Variants in HS3ST4 observed in about 807,000 individuals in gnomAD.
HS3ST4 encodes the protein heparan sulfate-glucosamine 3-sulfotransferase 4, also known as heparan sulfate glucosamine 3-O-sulfotransferase 4.
HS3ST4 carries 17 observed loss-of-function variants against 29.2 expected under a neutral mutation model. The ratio of observed to expected loss-of-function variants is 0.58; its 90% confidence interval spans 0.40 to 0.87. The LOEUF is 0.87. Among genes scored for constraint, HS3ST4 ranks in the 40% least tolerant of loss-of-function variants. The pLI, the probability that HS3ST4 is intolerant of heterozygous loss-of-function variation, is 0.00. For missense variants in HS3ST4, 627 were observed against 634.5 expected (o/e 0.99, Z 0.13); for synonymous variants, 314 against 285.7 (o/e 1.10, Z -1.00).
intron 1 of HS3ST4, among the ~76,000 whole-genome samples, chr16:26,078,437 C>G (rs112781489): frequency 1.3e-5 from 2 of 152,242 alleles, no homozygotes; most frequent in East Asian, 1.9e-4. Flanking sequence ...CGTGAGCCAC[C>G]GCACCCAGCC....
intron 1 of HS3ST4, among the ~76,000 whole-genome samples, chr16:25,846,595 A>T (rs914955005): frequency 6.6e-6 from 1 of 151,754 alleles, no homozygotes; most frequent in Non-Finnish European, 1.5e-5. Context: ...TTAAGTTTGT[A>T]GTATCTTTCA....
intron 1 of HS3ST4, among the ~76,000 whole-genome samples, chr16:26,056,200 C>G (rs778599966): frequency 2.0e-5 from 3 of 152,168 alleles, no homozygotes; most frequent in Non-Finnish European, 4.4e-5. Context: ...CTGTTTCTCA[C>G]GAATCCTTGT....
intron 1 of HS3ST4, among the ~76,000 whole-genome samples, chr16:26,054,619 A>T (rs891155132): frequency 3.9e-5 from 6 of 152,172 alleles, no homozygotes; most frequent in Non-Finnish European, 7.3e-5. Flanking sequence ...AAATGGAAAG[A>T]TAAGAACTGG....
chr16:25,949,771 G>A (rs1968664999), intron 1 of HS3ST4, among the ~76,000 whole-genome samples: 1 of 152,118 alleles, frequency 6.6e-6, no homozygotes, highest in Admixed American at 6.5e-5. Context: ...ATCAAGGATG[G>A]GGAATAAGGA....
At chr16:25,910,629 G>A (rs996615747) in intron 1 of HS3ST4, among the ~76,000 whole-genome samples, 3 of 151,418 alleles carry the variant, frequency 2.0e-5, no homozygotes, top group South Asian at 2.1e-4. Context: ...CTTGGGCAAC[G>A]AGAGAGAGAC....
chr16:26,105,405 C>T lies in HS3ST4; in HGVS notation c.735-30207C>T, dbSNP rs544677451. Among the ~76,000 whole-genome samples the T allele has an allele frequency of 7.2e-5, 11 of 152,272 alleles. No individual in the cohort carries two copies. The East Asian group carries it at 1.2e-3, about 16-fold the overall frequency. On this transcript the variant is annotated intron_variant, in intron 1 of 1. Coordinates refer to ENST00000331351, the MANE Select transcript of HS3ST4 (RefSeq NM_006040.3). ...CTAAAATTGAATACTATGCTCATTT[C>T]CTGGGTGATTGGTTTATTCATACTC... is the stretch of plus-strand genomic sequence containing the variant.
chr16:25,828,250 T>TCTC (rs1567249336), intron 1 of HS3ST4, among the ~76,000 whole-genome samples: 1 of 55,362 alleles, frequency 1.8e-5, no homozygotes, highest in African/African-American at 7.3e-5. Flanking sequence ...TTCTCTTTCT[T>TCTC]TCTTTCTTTC....
chr16:26,046,426 C>A (rs1898268375), intron 1 of HS3ST4, among the ~76,000 whole-genome samples: 1 of 152,168 alleles, frequency 6.6e-6, no homozygotes, highest in African/African-American at 2.4e-5. Context: ...GCTGGGATTA[C>A]AGGCATGAGC....
At chr16:25,806,774 C>G (rs528023082) in intron 1 of HS3ST4, among the ~76,000 whole-genome samples, 1 of 152,072 alleles carries the variant, frequency 6.6e-6, no homozygotes, top group South Asian at 2.1e-4. Context: ...TAAAATCCAC[C>G]AATTTTATTG....
At chr16:26,051,441 T>A (rs967264295) in intron 1 of HS3ST4, among the ~76,000 whole-genome samples, 7 of 152,134 alleles carry the variant, frequency 4.6e-5, no homozygotes, top group African/African-American at 1.7e-4. Context: ...AATAATTTTT[T>A]TTTTTCACAA....
intron 1 of HS3ST4, among the ~76,000 whole-genome samples, chr16:25,981,048 G>A (rs1051481778): frequency 2.0e-5 from 3 of 152,088 alleles, no homozygotes; most frequent in African/African-American, 7.2e-5. Context: ...CTTGGCATGT[G>A]AGGGTTCCAT....
intron 1 of HS3ST4, among the ~76,000 whole-genome samples, chr16:25,988,369 C>A (rs571509072): frequency 6.6e-6 from 1 of 152,202 alleles, no homozygotes; most frequent in Admixed American, 6.5e-5. Flanking sequence ...TGCCCTCCCC[C>A]AAGCTGAGGC....
At chr16:25,941,386 C>T (rs1230766926) in intron 1 of HS3ST4, among the ~76,000 whole-genome samples, 1 of 151,352 alleles carries the variant, frequency 6.6e-6, no homozygotes, top group Admixed American at 6.6e-5. Flanking sequence ...CTTGAACTCC[C>T]ACCTCAGGTG....
At chr16:26,113,305 G>A (rs1033836380) in intron 1 of HS3ST4, among the ~76,000 whole-genome samples, 3 of 152,002 alleles carry the variant, frequency 2.0e-5, no homozygotes, top group South Asian at 2.1e-4. Context: ...ATTTAGCTGG[G>A]TGTAGCGGCG....
chr16:25,942,380 CAT>C (rs1224889465), intron 1 of HS3ST4, among the ~76,000 whole-genome samples: 1 of 152,154 alleles, frequency 6.6e-6, no homozygotes, highest in Non-Finnish European at 1.5e-5. Flanking sequence ...GTTATAATCA[CAT>C]ATCTTATTAT....
At chr16:26,125,676 C>T (rs1288139982) in intron 1 of HS3ST4, among the ~76,000 whole-genome samples, 1 of 152,202 alleles carries the variant, frequency 6.6e-6, no homozygotes, top group African/African-American at 2.4e-5. Context: ...CTTCTATGTC[C>T]TTAGTCCACC....
chr16:25,741,405 G>A (rs1394803831), intron 1 of HS3ST4, among the ~76,000 whole-genome samples: 1 of 150,316 alleles, frequency 6.7e-6, no homozygotes, highest in African/African-American at 2.4e-5. Flanking sequence ...GGGGGAGGAG[G>A]GGAGGCAATG....
chr16:25,837,544 A>T (rs904389100), intron 1 of HS3ST4, among the ~76,000 whole-genome samples: 3 of 152,192 alleles, frequency 2.0e-5, no homozygotes, highest in African/African-American at 7.2e-5. Flanking sequence ...TGTCTTTAAG[A>T]TGGGGAGAGC....
intron 1 of HS3ST4, among the ~76,000 whole-genome samples, chr16:25,817,969 A>T (rs918489420): frequency 1.3e-5 from 2 of 152,210 alleles, no homozygotes; most frequent in Admixed American, 6.5e-5. Flanking sequence ...CGGTAAGCAC[A>T]TGCCTGAAAC....
Sources: allele counts gnomAD v4.1 joint callset (sites outside exome capture counted in the v4.1 genomes callset), GRCh38; gene constraint gnomAD v4.1.1; transcripts MANE v1.5; gene names NCBI Gene and HGNC (gene_info 2026-07-23, HGNC 2026-07-21).